Variants in CELSR1 observed in about 807,000 individuals in gnomAD.
CELSR1 encodes the protein adhesion G protein-coupled receptor C1.
Under a neutral mutation model 249.1 loss-of-function variants are expected in CELSR1, and 110 were observed. That is an observed-to-expected ratio of 0.44 (90% confidence interval 0.38 to 0.52). The LOEUF is 0.52. CELSR1 is among the 20% of genes least tolerant of loss of function. The pLI is 0.00. For synonymous variants in CELSR1, 2,113 were observed against 1,900.0 expected (o/e 1.11, Z -2.92); for missense variants, 4,109 against 4,296.4 (o/e 0.96, Z 1.22).
chr22:46,487,481 C>T (rs543406680), intron 1 of CELSR1, among the ~76,000 whole-genome samples: 26 of 137,666 alleles, frequency 1.9e-4, no homozygotes, highest in Admixed American at 6.1e-4. Flanking sequence ...TCAAGGTGTC[C>T]TTGGCCTGGT....
intron 18 of CELSR1, among the ~76,000 whole-genome samples, chr22:46,387,722 C>T (rs1471053180): frequency 6.6e-6 from 1 of 152,134 alleles, no homozygotes; most frequent in Non-Finnish European, 1.5e-5. Context: ...GCCAGAGAGA[C>T]TGTGGGTGAT....
At chr22:46,422,964 C>T (rs1371174541) in intron 5 of CELSR1, among the ~76,000 whole-genome samples, 3 of 152,230 alleles carry the variant, frequency 2.0e-5, no homozygotes, top group Non-Finnish European at 4.4e-5. Flanking sequence ...CTGCACTGTA[C>T]GTCTGGCCTC....
intron 1 of CELSR1, among the ~76,000 whole-genome samples, chr22:46,528,786 G>A (rs1028275826): frequency 1.1e-4 from 16 of 151,708 alleles, no homozygotes; most frequent in African/African-American, 3.9e-4. Context: ...AAAATCAGCC[G>A]GGCGTGGTGG....
chr22:46,535,579 G>A lies in CELSR1; in HGVS notation c.1592C>T (p.Ser531Leu), dbSNP rs766161819. The change falls in exon 1 of 35, where the codon TCG becomes TTG. Residue 531 changes from serine (S) to leucine (L), a missense_variant. This residue lies in a region of CELSR1 where 135 missense variants were observed against 190.0 expected (regional missense o/e 0.71). Coordinates refer to ENST00000674500, the MANE Select transcript of CELSR1 (RefSeq NM_001378328.1). Reference protein sequence around the residue: ...PLDFEDVQKYSLSIKAQDGGR... With the variant: ...PLDFEDVQKYLLSIKAQDGGR... The stretch of plus-strand genomic sequence containing the variant: ...CCCATCCTGGGCCTTAATGCTCAGC[G>A]AGTATTTCTGGACATCCTCGAAATC... 22 of 1,613,332 alleles carry A rather than the reference G, an allele frequency of 1.4e-5. No individual in the cohort carries two copies. The highest frequency in any genetic ancestry group is 2.2e-5 in the East Asian group (1 of 44,892).
rs2079555770 is a variant in CELSR1 at position 46,428,111 on chromosome 22, T to C, written c.4611+5282A>G. On this transcript the variant is annotated intron_variant, in intron 5 of 34. Transcript: ENST00000674500. The surrounding 1 kb of genome is among the most constrained non-coding windows in gnomAD (Gnocchi z 5.7). ...CAAGGTCATGGAAATCTCAAAGCAC[T>C]TACATCCTCTGCTCAACAGAAGCAG... 2.0e-5 allele frequency among the ~76,000 whole-genome samples: 3 copies of C among 152,246 alleles called. No individual in the cohort carries two copies. In the East Asian group the frequency reaches 5.8e-4, roughly 29 times the overall value.
At chr22:46,438,788 T>C (rs1172826053) in intron 3 of CELSR1, among the ~76,000 whole-genome samples, 1 of 152,132 alleles carries the variant, frequency 6.6e-6, no homozygotes, top group Non-Finnish European at 1.5e-5. Flanking sequence ...AGATGGAGTC[T>C]CGCTCTGTTG....
At position 46,439,735 on chromosome 22, in the gene CELSR1, C is replaced by A. The variant is rs948773816; in HGVS notation, c.4184-324G>T. Reference sequence around the variant, plus strand: ...CCAGCCTCCAACCCCGTTCTGAGCACCCTGCAGGCTGAGCTGGACTCTTCT... The same window carrying A: ...CCAGCCTCCAACCCCGTTCTGAGCAACCTGCAGGCTGAGCTGGACTCTTCT... On this transcript the variant is annotated intron_variant, in intron 2 of 34. Transcript: ENST00000674500. Among the ~76,000 whole-genome samples the A allele has an allele frequency of 2.2e-4, 34 of 152,234 alleles. 1 individual carries two copies. Among genetic ancestry groups the A allele is most frequent in the Admixed American group, 2.1e-3 (32 of 15,306 alleles).
chr22:46,383,475 G>A (rs1198545815), intron 20 of CELSR1, among the ~76,000 whole-genome samples: 1 of 152,028 alleles, frequency 6.6e-6, no homozygotes, highest in Non-Finnish European at 1.5e-5. Flanking sequence ...TTTTGTTGTT[G>A]TTTTTTTGCG....
At chr22:46,496,890 AAAT>A (rs773482919) in intron 1 of CELSR1, among the ~76,000 whole-genome samples, 1 of 152,134 alleles carries the variant, frequency 6.6e-6, no homozygotes, top group Non-Finnish European at 1.5e-5. Flanking sequence ...GTACACACTG[AAAT>A]AATAATAATA....
intron 1 of CELSR1, among the ~76,000 whole-genome samples, chr22:46,524,261 T>G (rs1475161592): frequency 6.6e-6 from 1 of 152,118 alleles, no homozygotes; most frequent in Non-Finnish European, 1.5e-5. Context: ...ACCGCGGTGG[T>G]GGGAAGCACA....
chr22:46,432,990 A>G (rs556672316), intron 5 of CELSR1, among the ~76,000 whole-genome samples: 5 of 152,204 alleles, frequency 3.3e-5, no homozygotes, highest in African/African-American at 1.2e-4. Context: ...TTCAGAGCAC[A>G]AATGTCTCAA....
At chr22:46,383,469 G>A (rs989650559) in intron 20 of CELSR1, among the ~76,000 whole-genome samples, 1 of 152,134 alleles carries the variant, frequency 6.6e-6, no homozygotes, top group Non-Finnish European at 1.5e-5. Flanking sequence ...TGGCTTTTTT[G>A]TTGTTGTTTT....
chr22:46,465,820 G>A (rs1205034272), intron 1 of CELSR1, among the ~76,000 whole-genome samples: 2 of 152,234 alleles, frequency 1.3e-5, no homozygotes, highest in Non-Finnish European at 2.9e-5. Flanking sequence ...TCACAGGTGA[G>A]GAAAACGGAG....
rs1390765391 is a variant in CELSR1, at chr22:46,535,002, C to G, written c.2169G>C (p.Gln723His). Residue 723 changes from glutamine (Q) to histidine (H), a missense_variant, in exon 1 of 35, where the codon CAG becomes CAC. Coordinates refer to ENST00000674500, the MANE Select transcript of CELSR1 (RefSeq NM_001378328.1). ...GGTTCCGGGTGTTGCCGCCTGTGAG[C>G]TGGTAGGTAATCACACTGTTGGCGT... Reference protein sequence around the residue: ...DRDANSVITYQLTGGNTRNRF... With the variant: ...DRDANSVITYHLTGGNTRNRF... 5 of 1,612,044 alleles carry G rather than the reference C, an allele frequency of 3.1e-6. No individual in the cohort carries two copies. The South Asian group carries it at 5.5e-5, about 18-fold the overall frequency.
At chr22:46,416,657 C>T (rs975425047) in intron 5 of CELSR1, among the ~76,000 whole-genome samples, 5 of 152,188 alleles carry the variant, frequency 3.3e-5, no homozygotes, top group South Asian at 2.1e-4. Context: ...CCTACAGTGC[C>T]GCTGAGCACT....
intron 19 of CELSR1, 22 bp downstream of exon 19, chr22:46,386,380 C>G: frequency 2.0e-6 from 3 of 1,523,964 alleles, no homozygotes; most frequent in Non-Finnish European, 2.6e-6. Context: ...GGGTTCCACC[C>G]CCAACGCAGC....
rs528802194 is a variant in CELSR1, at chr22:46,468,170, G to A, written c.3545-3825C>T. Among the ~76,000 whole-genome samples, 2 of 151,790 alleles carry A rather than the reference G, an allele frequency of 1.3e-5. No individual in the cohort carries two copies. Among genetic ancestry groups the A allele is most frequent in the South Asian group, 2.1e-4 (1 of 4,780 alleles). ...TGGGAGGCCGAGGTGGGTGGATCAC[G>A]ACGTCAGGAGTTCAAGACCAGCCTG... On this transcript the variant is annotated intron_variant, in intron 1 of 34. Transcript: ENST00000674500. This position sits in a 1 kb window ranked among gnomAD's most constrained non-coding sequence, Gnocchi z 4.5.
chr22:46,438,130 G>C (rs1389382304), intron 3 of CELSR1, among the ~76,000 whole-genome samples: 1 of 151,636 alleles, frequency 6.6e-6, no homozygotes, highest in Non-Finnish European at 1.5e-5. Context: ...GGGAGGGTTG[G>C]AACAATGCAA....
Position 46,536,941 on chromosome 22 carries a change from C to T in CELSR1, c.230G>A (p.Arg77Gln), listed in dbSNP as rs1186813598. The part of the protein sequence containing the change: ...VGRDGRLAGR[R>Q]RVSGAGRPLP... ...CGGGCGCCCCGCGCCCGAGACGCGC[C>T]GACGTCCTGCCAGCCGCCCATCGCG... The change falls in exon 1 of 35, where the codon CGG becomes CAG. Residue 77 changes from arginine (R) to glutamine (Q), a missense_variant. Transcript: ENST00000674500. 1 of 1,159,962 alleles carries T rather than the reference C, an allele frequency of 8.6e-7. No homozygotes were observed. Among genetic ancestry groups the T allele is most frequent in the Non-Finnish European group, 1.1e-6 (1 of 943,804 alleles). The allele number at this position is 1,159,962 out of a possible 1,614,324, so 71.9% of individuals were successfully genotyped here.
Sources: gnomAD v4.1 joint callset for allele counts (sites outside exome capture counted in the v4.1 genomes callset) on GRCh38, gnomAD v4.1.1 for gene constraint, gnomAD v4.1.1 regional missense constraint, Gnocchi (gnomAD v3.1) non-coding constraint, MANE v1.5 for transcripts, NCBI Gene and HGNC (gene_info 2026-07-23, HGNC 2026-07-21) for gene names.